ADGRB3: variants seen among roughly 807,000 people sequenced by gnomAD.
ADGRB3 encodes the protein brain-specific angiogenesis inhibitor 3.
In ADGRB3, 37 loss-of-function variants were observed where a neutral mutation model predicts 193.4. The ratio of observed to expected loss-of-function variants is 0.19; its 90% CI spans 0.15 to 0.25. ADGRB3 has a LOEUF of 0.25. Ranked by LOEUF, ADGRB3 falls within the 10% of genes least tolerant of loss-of-function variation. ADGRB3 has a pLI of 1.00. For missense variants in ADGRB3, 1,637 were observed against 1,852.9 expected, an observed-to-expected ratio of 0.88 and a Z score of 2.14; for synonymous variants, 690 against 644.2, an observed-to-expected ratio of 1.07 and a Z score of -1.08.
At chr6:68,817,307 G>GTA (rs60723627) in intron 3 of ADGRB3, among the ~76,000 whole-genome samples, 45 of 44,130 alleles carry the variant, frequency 1.0e-3, no homozygotes, top group East Asian at 4.1e-3. Flanking sequence ...TTTTGTCCAT[G>GTA]TATATATATA....
Position 68,789,488 on chromosome 6 carries a change from A to T in ADGRB3, c.758-141071A>T, listed in dbSNP as rs538730165. On this transcript the variant is annotated intron_variant, in intron 3 of 31. Coordinates refer to ENST00000370598, the MANE Select transcript of ADGRB3 (RefSeq NM_001704.3). ...AAGAATGTTGAATATTGGTCCCCACACTCTTCTGGCTTGTAGAGTTTCTGC... is the reference window on the plus strand; with the variant it reads ...AAGAATGTTGAATATTGGTCCCCACTCTCTTCTGGCTTGTAGAGTTTCTGC... 1.3e-4 allele frequency among the ~76,000 whole-genome samples: 20 copies of T among 152,186 alleles called. No homozygotes were observed. The East Asian group carries it at 3.3e-3, about 25-fold the overall frequency.
At chr6:69,064,070 C>T (rs1177151904) in intron 16 of ADGRB3, among the ~76,000 whole-genome samples, 2 of 151,962 alleles carry the variant, frequency 1.3e-5, no homozygotes, top group East Asian at 3.9e-4. Flanking sequence ...AACTCACATT[C>T]TTTTGGCTGT....
Position 69,193,764 on chromosome 6 carries a change from A to G in ADGRB3, c.2481-39526A>G, listed in dbSNP as rs549029252. Among the ~76,000 whole-genome samples, 26 of 152,072 alleles carry G rather than the reference A, an allele frequency of 1.7e-4. No individual in the cohort carries two copies. In the East Asian group the frequency reaches 4.7e-3, roughly 27 times the overall value. On this transcript the variant is annotated intron_variant, in intron 17 of 31. Coordinates refer to ENST00000370598, the MANE Select transcript of ADGRB3 (RefSeq NM_001704.3). ...AATAATAACCTGCTTTAAGTATATCATAGGATTTTTCTGTAAACTAGGGGC... is the reference window on the plus strand; with the variant it reads ...AATAATAACCTGCTTTAAGTATATCGTAGGATTTTTCTGTAAACTAGGGGC...
At chr6:69,268,191 A>G (rs192828307) in intron 20 of ADGRB3, among the ~76,000 whole-genome samples, 1 of 152,168 alleles carries the variant, frequency 6.6e-6, no homozygotes, top group African/African-American at 2.4e-5. Context: ...GAAATTTGTC[A>G]TATAATTTTT....
At chr6:68,646,252 G>A (rs1041805779) in intron 3 of ADGRB3, among the ~76,000 whole-genome samples, 6 of 151,866 alleles carry the variant, frequency 4.0e-5, no homozygotes, top group African/African-American at 1.4e-4. Flanking sequence ...CGAGGCGGGT[G>A]GATCACGTGA....
chr6:68,705,444 C>T (rs945557939), intron 3 of ADGRB3, among the ~76,000 whole-genome samples: 1 of 152,136 alleles, frequency 6.6e-6, no homozygotes, highest in Non-Finnish European at 1.5e-5. Context: ...GGAGATAACG[C>T]ATTTCAGGAT....
chr6:69,198,359 C>T (rs544151597), intron 17 of ADGRB3, among the ~76,000 whole-genome samples: 2 of 151,798 alleles, frequency 1.3e-5, no homozygotes, highest in African/African-American at 2.4e-5. Context: ...CCCACTCTCA[C>T]GATTTTATAT....
At chr6:69,386,862 C>T (rs973941820) in intron 31 of ADGRB3, among the ~76,000 whole-genome samples, 2 of 152,082 alleles carry the variant, frequency 1.3e-5, no homozygotes, top group African/African-American at 4.8e-5. Flanking sequence ...TCTCTGAATT[C>T]CCATAGTACT....
At chr6:69,311,779 C>T (rs906348182) in intron 20 of ADGRB3, among the ~76,000 whole-genome samples, 5 of 151,634 alleles carry the variant, frequency 3.3e-5, no homozygotes, top group African/African-American at 1.2e-4. Context: ...CATTTCCATA[C>T]GACATCTCCA....
intron 17 of ADGRB3, among the ~76,000 whole-genome samples, chr6:69,084,716 A>C (rs771743526): frequency 6.6e-6 from 1 of 152,224 alleles, no homozygotes; most frequent in Non-Finnish European, 1.5e-5. Flanking sequence ...TATGAAATAA[A>C]GTATGATAAT....
chr6:69,182,130 T>G (rs1775601229), intron 17 of ADGRB3, among the ~76,000 whole-genome samples: 1 of 152,086 alleles, frequency 6.6e-6, no homozygotes, highest in Admixed American at 6.5e-5. Flanking sequence ...GGCACACAGA[T>G]GCACCCATGA....
At chr6:69,232,595 G>A (rs1206505459) in intron 17 of ADGRB3, 4 of 1,535,686 alleles carry the variant, frequency 2.6e-6, no homozygotes, top group African/African-American at 1.4e-5. Context: ...TCAGAGGCGA[G>A]CTGGACTGAG....
chr6:69,326,815 G>T (rs769559974), intron 21 of ADGRB3, among the ~76,000 whole-genome samples: 1 of 151,990 alleles, frequency 6.6e-6, no homozygotes, highest in African/African-American at 2.4e-5. Flanking sequence ...AGGAGAAACA[G>T]AAGGAGGAAA....
intron 17 of ADGRB3, among the ~76,000 whole-genome samples, chr6:69,107,529 T>C (rs1388187911): frequency 2.6e-5 from 4 of 152,230 alleles, no homozygotes; most frequent in Non-Finnish European, 5.9e-5. Flanking sequence ...TTGTGTGAAT[T>C]ACTAGCAGTT....
At chr6:68,646,284 C>G (rs1000358897) in intron 3 of ADGRB3, among the ~76,000 whole-genome samples, 2 of 151,594 alleles carry the variant, frequency 1.3e-5, no homozygotes, top group Admixed American at 6.6e-5. Flanking sequence ...TGGCACCAGC[C>G]TGGCCAACAT....
chr6:69,257,284 G>A (rs1423444462), intron 20 of ADGRB3, among the ~76,000 whole-genome samples: 1 of 152,180 alleles, frequency 6.6e-6, no homozygotes, highest in South Asian at 2.1e-4. Flanking sequence ...AATGGTACCA[G>A]TTCCTCCTTG....
Position 69,342,721 on chromosome 6 carries a change from T to C in ADGRB3, c.3459+3217T>C, listed in dbSNP as rs529242807. On this transcript the variant is annotated intron_variant, in intron 26 of 31. Transcript: ENST00000370598. Reference sequence around the variant, plus strand: ...AAAGAAAATGGAATAGATAGCTATATGTAAAACATTAGGTAGTGATTCATA... The same window carrying C: ...AAAGAAAATGGAATAGATAGCTATACGTAAAACATTAGGTAGTGATTCATA... Among the ~76,000 whole-genome samples, 4 of 152,256 alleles carry C rather than the reference T, an allele frequency of 2.6e-5. No homozygotes were observed. The East Asian group carries it at 7.7e-4, about 29-fold the overall frequency.
At chr6:69,202,895 G>A (rs1465759892) in intron 17 of ADGRB3, among the ~76,000 whole-genome samples, 1 of 152,138 alleles carries the variant, frequency 6.6e-6, no homozygotes, top group Non-Finnish European at 1.5e-5. Flanking sequence ...AGAGCACGCA[G>A]GATGTGATCA....
At chr6:68,776,149 T>C (rs1766742810) in intron 3 of ADGRB3, among the ~76,000 whole-genome samples, 1 of 152,130 alleles carries the variant, frequency 6.6e-6, no homozygotes, top group African/African-American at 2.4e-5. Context: ...CCCTAATATA[T>C]TGGCCATTTC....
Sources: allele counts gnomAD v4.1 joint callset (sites outside exome capture counted in the v4.1 genomes callset), GRCh38; gene constraint gnomAD v4.1.1; transcripts MANE v1.5; gene names NCBI Gene and HGNC (gene_info 2026-07-23, HGNC 2026-07-21).